PRKAR1A: variants seen among roughly 807,000 people sequenced by gnomAD.
The protein encoded by PRKAR1A is cAMP-dependent protein kinase type I-alpha regulatory subunit.
Under a neutral mutation model 52.0 loss-of-function variants are expected in PRKAR1A, and 3 were observed. That is an observed-to-expected ratio of 0.06 (90% CI 0.03 to 0.15). The LOEUF (loss-of-function observed/expected upper bound fraction) is 0.15, where lower values mean the gene tolerates loss of function less well. Among genes scored for constraint, PRKAR1A ranks in the 10% least tolerant of loss-of-function variants. The pLI, the probability that PRKAR1A is intolerant of heterozygous loss-of-function variation, is 1.00. For missense variants in PRKAR1A, 240 were observed against 477.4 expected, an observed-to-expected ratio of 0.50 and a Z score of 4.63; for synonymous variants, 188 against 168.4, an observed-to-expected ratio of 1.12 and a Z score of -0.90.
rs1359744091 is a variant in PRKAR1A at position 68,532,217 on chromosome 17, T to C, written c.*1768T>C. The C allele has an allele frequency of 9.7e-7, 1 of 1,036,214 alleles. No homozygotes were observed. The highest frequency in any genetic ancestry group is 1.2e-6 in the Non-Finnish European group (1 of 852,848). The allele number at this position is 1,036,214 out of a possible 1,614,324, so 64.2% of individuals were successfully genotyped here. A position where few individuals can be genotyped will look rare whatever the true frequency, so the allele number is the denominator to read the frequency against. ...CTTTTTATATTTAAAAAATTAAAAA[T>C]GAAAATTACGTTCTTACAAGCTTAA... On this transcript the variant is annotated 3_prime_UTR_variant, in exon 11 of 11. Transcript: ENST00000589228.
the PRKAR1A span, among the ~76,000 whole-genome samples, chr17:68,474,438 A>G: frequency 2.6e-5 from 4 of 152,168 alleles, no homozygotes; most frequent in African/African-American, 9.7e-5. Context: ...CTTGTACAGC[A>G]GTGCCCCGGG....
chr17:68,466,514 C>T, the PRKAR1A span, among the ~76,000 whole-genome samples: 3 of 147,712 alleles, frequency 2.0e-5, no homozygotes, highest in Admixed American at 1.4e-4. Flanking sequence ...CAGGTTCAAG[C>T]GATTCTAGTG....
the PRKAR1A span, among the ~76,000 whole-genome samples, chr17:68,505,303 T>C: frequency 6.6e-6 from 1 of 151,836 alleles, no homozygotes; most frequent in Non-Finnish European, 1.5e-5. Context: ...AAAATATATA[T>C]GTAGATAATA....
At chr17:68,424,206 C>T in the PRKAR1A span, among the ~76,000 whole-genome samples, 1 of 152,170 alleles carries the variant, frequency 6.6e-6, no homozygotes, top group African/African-American at 2.4e-5. Flanking sequence ...AACTGCTCTC[C>T]GCCACTGAGA....
chr17:68,496,333 C>T, the PRKAR1A span, among the ~76,000 whole-genome samples: 75 of 151,858 alleles, frequency 4.9e-4, 1 homozygote, highest in East Asian at 9.4e-3. Flanking sequence ...TGAGCCACTG[C>T]GCCCGGCCCT....
upstream of PRKAR1A, among the ~76,000 whole-genome samples, chr17:68,508,479 A>G (rs1259548193): frequency 1.3e-5 from 2 of 152,214 alleles, no homozygotes; most frequent in Admixed American, 1.3e-4. Context: ...CTAAACATTG[A>G]TTACTCAAGG....
the PRKAR1A span, among the ~76,000 whole-genome samples, chr17:68,495,962 CTCT>C: frequency 1.4e-5 from 1 of 70,164 alleles, no homozygotes; most frequent in Non-Finnish European, 2.6e-5. Flanking sequence ...TTCCTCTCCT[CTCT>C]CCTCTCCTCT....
chr17:68,530,879 A>G lies in PRKAR1A; in HGVS notation c.*430A>G. Reference sequence around the variant, plus strand: ...TATGCTGTATTTCTTTGTAGAATAAATGGTTTCTCATTAAACTCTAAAGAT... The same window carrying G: ...TATGCTGTATTTCTTTGTAGAATAAGTGGTTTCTCATTAAACTCTAAAGAT... On this transcript the variant is annotated 3_prime_UTR_variant, in exon 11 of 11. Coordinates refer to ENST00000589228, the MANE Select transcript of PRKAR1A (RefSeq NM_002734.5). 1.8e-6 allele frequency: 2 copies of G among 1,140,882 alleles called. No homozygotes were observed. The highest frequency in any genetic ancestry group is 2.2e-6 in the Non-Finnish European group (2 of 923,816). The allele number at this position is 1,140,882 out of a possible 1,614,324, so 70.7% of individuals were successfully genotyped here. A position where few individuals can be genotyped will look rare whatever the true frequency, so the allele number is the denominator to read the frequency against.
chr17:68,462,065 C>A, the PRKAR1A span, among the ~76,000 whole-genome samples: 1 of 152,154 alleles, frequency 6.6e-6, no homozygotes, highest in African/African-American at 2.4e-5. Flanking sequence ...AGGGGAGAGA[C>A]AGGGAGCAAA....
At chr17:68,470,485 T>C in the PRKAR1A span, among the ~76,000 whole-genome samples, 474 of 152,340 alleles carry the variant, frequency 3.1e-3, 6 homozygotes, top group African/African-American at 0.011. Context: ...AGATTGATAT[T>C]AGTGGAGAGG....
chr17:68,496,015 TGCG>T, the PRKAR1A span, among the ~76,000 whole-genome samples: 4 of 1,506 alleles, frequency 2.7e-3, no homozygotes, highest in Admixed American at 0.021. Context: ...TCCCCTCCCC[TGCG>T]CTCCCCTCCT....
At chr17:68,430,388 A>G in the PRKAR1A span, among the ~76,000 whole-genome samples, 2 of 152,218 alleles carry the variant, frequency 1.3e-5, no homozygotes, top group Non-Finnish European at 2.9e-5. Flanking sequence ...AAAGCTGTTA[A>G]AAGGTTCCCA....
upstream of PRKAR1A, among the ~76,000 whole-genome samples, chr17:68,507,967 A>ATTTTTT (rs894757099): frequency 6.7e-6 from 1 of 149,828 alleles, no homozygotes; most frequent in African/African-American, 2.5e-5. Context: ...CTGTGAATGT[A>ATTTTTT]TTTTTTTTTT....
chr17:68,428,936 C>T, the PRKAR1A span: 1 of 1,612,570 alleles, frequency 6.2e-7, no homozygotes, highest in Non-Finnish European at 8.5e-7. Flanking sequence ...ACTTCTGGAT[C>T]CTAAGGGCCA....
chr17:68,466,750 T>C, the PRKAR1A span, among the ~76,000 whole-genome samples: 2 of 152,140 alleles, frequency 1.3e-5, no homozygotes, highest in African/African-American at 2.4e-5. Context: ...GAGAATTATA[T>C]TGAGTAATTT....
At chr17:68,474,326 G>GGT in the PRKAR1A span, among the ~76,000 whole-genome samples, 4 of 152,128 alleles carry the variant, frequency 2.6e-5, no homozygotes, top group Non-Finnish European at 5.9e-5. Context: ...TTTTTAAAAA[G>GGT]GTGAAGTGTG....
intron 11 of PRKAR1A, among the ~76,000 whole-genome samples, chr17:68,546,856 A>C (rs1191155201): frequency 2.0e-5 from 3 of 149,806 alleles, no homozygotes; most frequent in Non-Finnish European, 4.4e-5. Context: ...AAAAGGTAAG[A>C]CTTGAAAGTT....
In PRKAR1A at chr17:68,530,506, A is replaced by G; in HGVS notation, c.*57A>G. 1 of 1,613,658 alleles carries G rather than the reference A, an allele frequency of 6.2e-7. No individual in the cohort carries two copies. ...TCCCCAATCCATGCTTCACTCATGC[A>G]AACTGCTTTATTTTCCCTACTTGCA... On this transcript the variant is annotated 3_prime_UTR_variant, in exon 11 of 11. Coordinates refer to ENST00000589228, the MANE Select transcript of PRKAR1A (RefSeq NM_002734.5).
chr17:68,457,191 G>A, the PRKAR1A span: 3 of 884,732 alleles, frequency 3.4e-6, no homozygotes, highest in Admixed American at 2.9e-5. Flanking sequence ...GGGGTACGGG[G>A]ATAACAAGAT....
Sources: gnomAD v4.1 joint callset for allele counts (sites outside exome capture counted in the v4.1 genomes callset) on GRCh38, gnomAD v4.1.1 for gene constraint, MANE v1.5 for transcripts, NCBI Gene and HGNC (gene_info 2026-07-23, HGNC 2026-07-21) for gene names.